The following USH2A variants were observed in gnomAD, a reference collection of about 807,000 sequenced individuals.
USH2A encodes the protein Usher syndrome 2A (autosomal recessive, mild).
In USH2A, 443 loss-of-function variants were observed where a neutral mutation model predicts 538.9. The observed-to-expected ratio is 0.82, with a 90% CI of 0.76 to 0.89. USH2A has a LOEUF of 0.89. USH2A is among the 40% of genes least tolerant of loss of function. The pLI is 0.00. For synonymous variants in USH2A, 2,413 were observed against 2,273.5 expected (o/e 1.06, Z -1.75); for missense variants, 6,633 against 6,324.8 (o/e 1.05, Z -1.65).
At chr1:216,386,113 G>A (rs2102739558) in intron 3 of USH2A, among the ~76,000 whole-genome samples, 1 of 152,244 alleles carries the variant, frequency 6.6e-6, no homozygotes, top group East Asian at 1.9e-4. Context: ...ACACAGTACA[G>A]TCCTGTACAT....
chr1:216,378,129 G>T (rs780724390), intron 3 of USH2A, among the ~76,000 whole-genome samples: 16 of 151,962 alleles, frequency 1.1e-4, no homozygotes, highest in Non-Finnish European at 1.2e-4. Flanking sequence ...CTCTTAAAAA[G>T]AAAATTAATG....
At chr1:215,850,029 G>T (rs1289287793) in intron 44 of USH2A, among the ~76,000 whole-genome samples, 2 of 151,932 alleles carry the variant, frequency 1.3e-5, no homozygotes, top group African/African-American at 4.8e-5. Flanking sequence ...ATCTTCTTCA[G>T]AAGACAGAAA....
chr1:216,244,430 G>A (rs560871577), intron 13 of USH2A, among the ~76,000 whole-genome samples: 32 of 152,184 alleles, frequency 2.1e-4, no homozygotes, highest in Admixed American at 1.7e-3. Context: ...ATGACATAAC[G>A]AATTAAGTGC....
Position 215,914,557 on chromosome 1 carries a change from C to T in USH2A, c.7301-13652G>A, listed in dbSNP as rs146710229. Among the ~76,000 whole-genome samples, 254 of 152,136 alleles carry T rather than the reference C, an allele frequency of 1.7e-3. 1 individual carries two copies. The highest frequency in any genetic ancestry group is 5.9e-3 in the African/African-American group (245 of 41,530). On this transcript the variant is annotated intron_variant, in intron 38 of 71. Coordinates refer to ENST00000307340, the MANE Select transcript of USH2A (RefSeq NM_206933.4). ...TGTCTTACATCATTATTTATAAACA[C>T]ATTTAAATTTATTGTCCTAGTTTTT... is the stretch of plus-strand genomic sequence containing the variant.
At chr1:216,102,695 G>T (rs538760971) in intron 21 of USH2A, among the ~76,000 whole-genome samples, 1 of 152,112 alleles carries the variant, frequency 6.6e-6, no homozygotes, top group African/African-American at 2.4e-5. Context: ...AGCTACTCGG[G>T]AGGCTGAGCC....
intron 37 of USH2A, among the ~76,000 whole-genome samples, chr1:215,942,738 C>T (rs571548490): frequency 3.9e-5 from 6 of 152,060 alleles, no homozygotes; most frequent in Admixed American, 2.0e-4. Context: ...CTTAGTATAG[C>T]GCAGCTCCTA....
chr1:216,219,066 G>A lies in USH2A; in HGVS notation c.2994-1516C>T, dbSNP rs151259659. ...GAATAAGTGTCTCTTGAGTATTTCA[G>A]TTTTTATTACCATTCACTCATGAGA... On this transcript the variant is annotated intron_variant, in intron 14 of 71. Coordinates refer to ENST00000307340, the MANE Select transcript of USH2A (RefSeq NM_206933.4). Among the ~76,000 whole-genome samples, 848 of 151,962 alleles carry A rather than the reference G, an allele frequency of 5.6e-3. 8 individuals carry two copies. Among genetic ancestry groups the A allele is most frequent in the African/African-American group, 0.02 (818 of 41,490 alleles).
chr1:216,245,502 AGAG>A (rs2036021616), intron 13 of USH2A, among the ~76,000 whole-genome samples: 1 of 151,662 alleles, frequency 6.6e-6, no homozygotes, highest in Non-Finnish European at 1.5e-5. Flanking sequence ...AGAGAGAGAG[AGAG>A]AGAGAGAGAG....
intron 3 of USH2A, among the ~76,000 whole-genome samples, chr1:216,378,477 G>A (rs2038875874): frequency 6.6e-6 from 1 of 151,800 alleles, no homozygotes; most frequent in Non-Finnish European, 1.5e-5. Flanking sequence ...CAGGACTTCT[G>A]ATGTTTTCTT....
chr1:216,422,997 C>G (rs984161766), intron 1 of USH2A, among the ~76,000 whole-genome samples: 2 of 152,040 alleles, frequency 1.3e-5, no homozygotes, highest in African/African-American at 4.8e-5. Flanking sequence ...CAAAATAAAG[C>G]TGGCAAAGGA....
intron 61 of USH2A, among the ~76,000 whole-genome samples, chr1:215,715,101 C>A (rs1192363757): frequency 6.6e-6 from 1 of 152,108 alleles, no homozygotes; most frequent in East Asian, 1.9e-4. Context: ...AGGTATTAAG[C>A]CCCACATGCA....
chr1:216,048,731 C>T, intron 30 of USH2A, 84 bp from the exon 31 acceptor site: 1 of 1,131,400 alleles, frequency 8.8e-7, no homozygotes, highest in Non-Finnish European at 1.3e-6. Context: ...GTGTGTGTGT[C>T]TATAAGAGAG....
At chr1:216,177,708 G>A (rs992227030) in intron 20 of USH2A, among the ~76,000 whole-genome samples, 1 of 152,060 alleles carries the variant, frequency 6.6e-6, no homozygotes, top group Non-Finnish European at 1.5e-5. Flanking sequence ...TAGGAGTCAC[G>A]GAGATTAAGG....
intron 4 of USH2A, among the ~76,000 whole-genome samples, chr1:216,341,594 T>A (rs965865551): frequency 5.9e-5 from 9 of 152,154 alleles, no homozygotes; most frequent in African/African-American, 1.9e-4. Flanking sequence ...GTCTTCAAAC[T>A]ATACTACAAG....
chr1:215,820,486 G>T (rs1378227598), intron 47 of USH2A, among the ~76,000 whole-genome samples: 1 of 151,470 alleles, frequency 6.6e-6, no homozygotes, highest in Non-Finnish European at 1.5e-5. Flanking sequence ...CATATTTCAG[G>T]GTCCATGTGA....
At chr1:215,878,342 C>T (rs773941967) in intron 42 of USH2A, among the ~76,000 whole-genome samples, 1 of 152,132 alleles carries the variant, frequency 6.6e-6, no homozygotes, top group African/African-American at 2.4e-5. Flanking sequence ...TTCATCGTAT[C>T]GGGCTCCCTG....
intron 11 of USH2A, among the ~76,000 whole-genome samples, chr1:216,275,936 C>T (rs1159457397): frequency 6.6e-6 from 1 of 152,010 alleles, no homozygotes; most frequent in Non-Finnish European, 1.5e-5. Context: ...TAAGTAAATA[C>T]CCAGTTTAGC....
chr1:216,022,511 G>A (rs10864224), intron 32 of USH2A, among the ~76,000 whole-genome samples: 69,245 of 151,886 alleles, frequency 0.46, 16,375 homozygotes, highest in East Asian at 0.7. Context: ...GAGAGCCTTG[G>A]CTAGTTTACT....
At chr1:215,955,030 A>G (rs1339874642) in intron 37 of USH2A, among the ~76,000 whole-genome samples, 3 of 152,160 alleles carry the variant, frequency 2.0e-5, no homozygotes, top group Non-Finnish European at 4.4e-5. Context: ...AGCTCAAAGA[A>G]ACTTTCTTGA....
Sources: allele counts gnomAD v4.1 joint callset (sites outside exome capture counted in the v4.1 genomes callset), GRCh38; gene constraint gnomAD v4.1.1; transcripts MANE v1.5; gene names NCBI Gene and HGNC (gene_info 2026-07-23, HGNC 2026-07-21).